PMEPA1: variants seen among roughly 807,000 people sequenced by gnomAD.
PMEPA1 encodes the protein prostate transmembrane protein, androgen induced 1, also known as protein TMEPAI.
A neutral mutation model predicts 23.0 loss-of-function variants in PMEPA1; 11 were observed. The ratio of observed to expected loss-of-function variants is 0.48; its 90% CI spans 0.30 to 0.79. The LOEUF is 0.79. Ranked by LOEUF, PMEPA1 falls within the 30% of genes least tolerant of loss-of-function variation. PMEPA1 has a pLI of 0.06. For missense variants in PMEPA1, 377 were observed against 390.9 expected (o/e 0.96, Z 0.30); for synonymous variants, 204 against 166.4 (o/e 1.23, Z -1.74).
At chr20:57,681,471 G>A (rs2071712612) in intron 1 of PMEPA1, among the ~76,000 whole-genome samples, 2 of 152,224 alleles carry the variant, frequency 1.3e-5, no homozygotes. Context: ...CCCTGCCTGA[G>A]ACGACCGTGA....
At chr20:57,700,123 G>A (rs182094627) in intron 1 of PMEPA1, 1 of 471,486 alleles carries the variant, frequency 2.1e-6, no homozygotes, top group Admixed American at 2.3e-5. Context: ...AGACCTTAAG[G>A]ACCAGCAGAG....
chr20:57,678,563 C>G (rs2071670099), intron 1 of PMEPA1, among the ~76,000 whole-genome samples: 1 of 152,218 alleles, frequency 6.6e-6, no homozygotes, highest in African/African-American at 2.4e-5. Flanking sequence ...TCTCTCGCAG[C>G]CTCCCTCGCC....
At chr20:57,694,027 T>C (rs1290948567) in intron 1 of PMEPA1, among the ~76,000 whole-genome samples, 2 of 152,226 alleles carry the variant, frequency 1.3e-5, no homozygotes, top group African/African-American at 2.4e-5. Flanking sequence ...CTCCCAGCCC[T>C]GCAGCAGGGC....
chr20:57,664,559 G>C (rs536730520), intron 1 of PMEPA1, among the ~76,000 whole-genome samples: 1 of 149,758 alleles, frequency 6.7e-6, no homozygotes, highest in East Asian at 1.9e-4. Context: ...AATCCTCTTC[G>C]TGCCTGCATT....
In PMEPA1 at chr20:57,687,283, T is replaced by A. The variant is rs542216583; in HGVS notation, c.109+22191A>T. On this transcript the variant is annotated intron_variant, in intron 1 of 3. Coordinates refer to ENST00000341744, the MANE Select transcript of PMEPA1 (RefSeq NM_020182.5). ...TGCCTGGGGCACCTGTGCCTGGGGC[T>A]GGTCCAAGGCTCCGCAAGATAGCAC... Among the ~76,000 whole-genome samples the A allele has an allele frequency of 4.6e-5, 7 of 152,354 alleles. No homozygotes were observed. The East Asian group carries it at 1.4e-3, about 29-fold the overall frequency.
chr20:57,675,142 C>A (rs1435691269), intron 1 of PMEPA1, among the ~76,000 whole-genome samples: 1 of 145,446 alleles, frequency 6.9e-6, no homozygotes, highest in Non-Finnish European at 1.5e-5. Context: ...AGAGGTGCAA[C>A]AATGTCACCG....
chr20:57,709,083 G>C (rs1037404146), intron 1 of PMEPA1, among the ~76,000 whole-genome samples: 1 of 151,844 alleles, frequency 6.6e-6, no homozygotes, highest in African/African-American at 2.4e-5. Flanking sequence ...TGTCTCACAC[G>C]CCCCTCCACC....
At chr20:57,659,064 T>C (rs1044325018) in intron 2 of PMEPA1, among the ~76,000 whole-genome samples, 2 of 152,210 alleles carry the variant, frequency 1.3e-5, no homozygotes, top group African/African-American at 4.8e-5. Flanking sequence ...GGGGTCAGCT[T>C]GCGCTGCTTG....
chr20:57,653,131 G>T, intron 2 of PMEPA1, 45 bp from the exon 3 acceptor site: 1 of 1,495,196 alleles, frequency 6.7e-7, no homozygotes, highest in Non-Finnish European at 9.1e-7. Flanking sequence ...GGGTGGGCAG[G>T]AGGGACAGCA....
At chr20:57,671,380 T>C (rs1426918549) in intron 1 of PMEPA1, among the ~76,000 whole-genome samples, 1 of 152,222 alleles carries the variant, frequency 6.6e-6, no homozygotes, top group Non-Finnish European at 1.5e-5. Flanking sequence ...AGTGAGTCCG[T>C]GGTGGTGTTG....
Position 57,651,867 on chromosome 20 carries a change from C to A in PMEPA1, c.*186G>T. The A allele has an allele frequency of 5.8e-6, 2 of 344,760 alleles. No individual in the cohort carries two copies. The highest frequency in any genetic ancestry group is 4.9e-6 in the Non-Finnish European group (1 of 202,536). The allele number at this position is 344,760 out of a possible 1,614,324, so 21.4% of individuals were successfully genotyped here. A position where few individuals can be genotyped will look rare whatever the true frequency, so the allele number is the denominator to read the frequency against. On this transcript the variant is annotated 3_prime_UTR_variant, in exon 4 of 4. Coordinates refer to ENST00000341744, the MANE Select transcript of PMEPA1 (RefSeq NM_020182.5). Reference sequence around the variant, plus strand: ...TTTTTCTTTTTTCTTTTTTTTTTTGCAAGCTCTCTTAGCTTGTGCATTCAG... The same window carrying A: ...TTTTTCTTTTTTCTTTTTTTTTTTGAAAGCTCTCTTAGCTTGTGCATTCAG...
chr20:57,703,872 C>A (rs904166798), intron 1 of PMEPA1, among the ~76,000 whole-genome samples: 3 of 152,170 alleles, frequency 2.0e-5, no homozygotes, highest in Non-Finnish European at 4.4e-5. Context: ...AGACACTAGG[C>A]CACACACAGC....
intron 1 of PMEPA1, among the ~76,000 whole-genome samples, chr20:57,696,736 T>C (rs2071947340): frequency 6.6e-6 from 1 of 152,226 alleles, no homozygotes; most frequent in South Asian, 2.1e-4. Flanking sequence ...TCAACTCCGC[T>C]CTGAGTCTAT....
At chr20:57,708,851 A>T (rs923122081) in intron 1 of PMEPA1, among the ~76,000 whole-genome samples, 2 of 152,026 alleles carry the variant, frequency 1.3e-5, no homozygotes, top group African/African-American at 4.8e-5. Context: ...CGGACACGGG[A>T]AAGACACACA....
chr20:57,677,794 T>C lies in PMEPA1; in HGVS notation c.110-18097A>G, dbSNP rs73302967. On this transcript the variant is annotated intron_variant, in intron 1 of 3. Transcript: ENST00000341744. ...AACAAACAAAAAAAACTGGAAGCAA[T>C]CCAGATGTCCCTCAACAGGTGAATG... Among the ~76,000 whole-genome samples, 894 of 152,134 alleles carry C rather than the reference T, an allele frequency of 5.9e-3. 14 individuals are homozygous for C. Among genetic ancestry groups the C allele is most frequent in the African/African-American group, 0.021 (857 of 41,498 alleles).
intron 1 of PMEPA1, among the ~76,000 whole-genome samples, chr20:57,690,813 G>A (rs554092519): frequency 5.6e-4 from 85 of 152,332 alleles, no homozygotes; most frequent in African/African-American, 1.9e-3. Flanking sequence ...TCCAGGAGCC[G>A]GGGGTTCTGG....
At chr20:57,700,258 G>C in intron 1 of PMEPA1, 1 of 416,610 alleles carries the variant, frequency 2.4e-6, no homozygotes, top group South Asian at 1.7e-5. Flanking sequence ...TACCGAACAT[G>C]TTCGGGGGAA....
At chr20:57,703,359 A>C (rs547328700) in intron 1 of PMEPA1, among the ~76,000 whole-genome samples, 247 of 152,324 alleles carry the variant, frequency 1.6e-3, no homozygotes, top group Admixed American at 2.0e-3. Flanking sequence ...AAACCATCAG[A>C]AGCTTCTGGG....
At chr20:57,690,209 A>C (rs2071858361) in intron 1 of PMEPA1, among the ~76,000 whole-genome samples, 1 of 152,222 alleles carries the variant, frequency 6.6e-6, no homozygotes, top group South Asian at 2.1e-4. Flanking sequence ...GGGAGGCCAG[A>C]GAGGTTCCCA....
Sources: allele counts gnomAD v4.1 joint callset (sites outside exome capture counted in the v4.1 genomes callset), GRCh38; gene constraint gnomAD v4.1.1; transcripts MANE v1.5; gene names NCBI Gene and HGNC (gene_info 2026-07-23, HGNC 2026-07-21).